ROBO1: variants seen among roughly 807,000 people sequenced by gnomAD.
ROBO1 encodes roundabout homolog 1.
ROBO1 carries 149 observed loss-of-function variants against 195.9 expected under a neutral mutation model. The ratio of observed to expected loss-of-function variants is 0.76; its 90% CI spans 0.67 to 0.87. The LOEUF (loss-of-function observed/expected upper bound fraction) is 0.87. Ranked by LOEUF, ROBO1 falls within the 40% of genes least tolerant of loss-of-function variation. The pLI, the probability that ROBO1 is intolerant of heterozygous loss-of-function variation, is 0.00. For missense variants in ROBO1, 1,933 were observed against 2,068.3 expected (o/e 0.93, Z 1.27); for synonymous variants, 816 against 733.2 (o/e 1.11, Z -1.82).
chr3:79,097,857 T>C (rs1044865132), intron 3 of ROBO1, among the ~76,000 whole-genome samples: 4 of 151,592 alleles, frequency 2.6e-5, no homozygotes, highest in Non-Finnish European at 4.4e-5. Flanking sequence ...TACATGCAGT[T>C]TTTTTTTAAT....
At chr3:79,017,088 A>C (rs1253706410) in intron 3 of ROBO1, among the ~76,000 whole-genome samples, 1 of 152,196 alleles carries the variant, frequency 6.6e-6, no homozygotes, top group African/African-American at 2.4e-5. Flanking sequence ...ACCAGGTTGA[A>C]ACTTCACTTT....
At chr3:79,430,439 T>C (rs1198538556) in intron 2 of ROBO1, among the ~76,000 whole-genome samples, 3 of 152,120 alleles carry the variant, frequency 2.0e-5, no homozygotes, top group African/African-American at 4.8e-5. Flanking sequence ...TAAACTTAAA[T>C]TGATTTCATT....
chr3:79,173,626 C>T, intron 2 of ROBO1, among the ~76,000 whole-genome samples: 1 of 152,242 alleles, frequency 6.6e-6, no homozygotes. Flanking sequence ...GGCTCCGGCT[C>T]AGCCCGAGCC....
At chr3:78,913,159 G>C (rs1290636847) in intron 4 of ROBO1, among the ~76,000 whole-genome samples, 1 of 152,024 alleles carries the variant, frequency 6.6e-6, no homozygotes, top group Non-Finnish European at 1.5e-5. Context: ...TTCTACGATG[G>C]AATAAATGGA....
intron 1 of ROBO1, among the ~76,000 whole-genome samples, chr3:79,633,673 G>A (rs1322664285): frequency 6.6e-6 from 1 of 151,748 alleles, no homozygotes; most frequent in Non-Finnish European, 1.5e-5. Flanking sequence ...ATCAAGGCTT[G>A]ATTCCTTGTT....
rs1324393653 is a variant in ROBO1 at position 78,713,043 on chromosome 3, T to G, written c.1045+1354A>C. Among the ~76,000 whole-genome samples, 3 of 152,206 alleles carry G rather than the reference T, an allele frequency of 2.0e-5. No individual in the cohort carries two copies. In the East Asian group the frequency reaches 5.8e-4, roughly 29 times the overall value. ...TCTGGAGGGCTTTTGAACTTGGATT[T>G]GACACCTCTTATATTTATGCTTTCT... On this transcript the variant is annotated intron_variant, in intron 8 of 30. Transcript: ENST00000464233.
At chr3:78,900,020 T>G (rs1013829806) in intron 4 of ROBO1, among the ~76,000 whole-genome samples, 3 of 152,164 alleles carry the variant, frequency 2.0e-5, no homozygotes, top group African/African-American at 7.2e-5. Flanking sequence ...CAGAAAAGCC[T>G]TTGGGGCTGT....
chr3:79,283,351 A>C (rs1220459880), intron 2 of ROBO1, among the ~76,000 whole-genome samples: 1 of 152,200 alleles, frequency 6.6e-6, no homozygotes, highest in East Asian at 1.9e-4. Flanking sequence ...AAATCTGTAC[A>C]TGTACCTCCT....
intron 2 of ROBO1, among the ~76,000 whole-genome samples, chr3:79,251,617 G>T (rs190909891): frequency 6.6e-6 from 1 of 152,244 alleles, no homozygotes; most frequent in Non-Finnish European, 1.5e-5. Flanking sequence ...TGGGCATGGT[G>T]GCGGACGCCT....
intron 2 of ROBO1, among the ~76,000 whole-genome samples, chr3:79,481,935 C>T (rs887478421): frequency 1.3e-5 from 2 of 152,102 alleles, no homozygotes; most frequent in Non-Finnish European, 2.9e-5. Context: ...GATTATGACT[C>T]TTAAGTGAAT....
intron 2 of ROBO1, among the ~76,000 whole-genome samples, chr3:79,168,414 G>A (rs1576764068): frequency 6.6e-6 from 1 of 151,890 alleles, no homozygotes; most frequent in Non-Finnish European, 1.5e-5. Context: ...AGCTAAAGTT[G>A]GCAGAAACTC....
chr3:79,642,898 A>T (rs887532796), intron 1 of ROBO1, among the ~76,000 whole-genome samples: 1 of 152,164 alleles, frequency 6.6e-6, no homozygotes, highest in African/African-American at 2.4e-5. Flanking sequence ...TATACAATAC[A>T]CTCATAACTC....
intron 2 of ROBO1, among the ~76,000 whole-genome samples, chr3:79,330,110 C>T (rs899715320): frequency 6.6e-6 from 1 of 151,588 alleles, no homozygotes; most frequent in Non-Finnish European, 1.5e-5. Flanking sequence ...AATGGAAATT[C>T]TAAAATTTTC....
rs1340602429 is a variant in ROBO1, at chr3:79,567,305, G to C, written c.88+22519C>G. On this transcript the variant is annotated intron_variant, in intron 2 of 30. Coordinates refer to ENST00000464233, the MANE Select transcript of ROBO1 (RefSeq NM_002941.4). ...ATCGGGCACTAGGCTTAATACCTGG[G>C]TGATGAAACAATCTGCACAACAAAC... 9.2e-5 allele frequency among the ~76,000 whole-genome samples: 14 copies of C among 152,170 alleles called. No homozygotes were observed. The East Asian group carries it at 2.7e-3, about 29-fold the overall frequency.
intron 2 of ROBO1, among the ~76,000 whole-genome samples, chr3:79,199,850 T>A (rs1372482527): frequency 6.6e-6 from 1 of 151,786 alleles, no homozygotes; most frequent in South Asian, 2.1e-4. Flanking sequence ...TTTATGGCGA[T>A]GGTAAAGTGT....
At chr3:78,789,594 G>C (rs547745089) in intron 4 of ROBO1, among the ~76,000 whole-genome samples, 95 of 152,082 alleles carry the variant, frequency 6.2e-4, no homozygotes, top group Non-Finnish European at 1.0e-3. Context: ...TACATGTTAG[G>C]GGGAAATTAT....
intron 2 of ROBO1, among the ~76,000 whole-genome samples, chr3:79,556,429 T>C (rs1942701307): frequency 1.3e-5 from 2 of 152,082 alleles, no homozygotes; most frequent in Admixed American, 1.3e-4. Flanking sequence ...GGTTTGCTAG[T>C]TATTGGTAAT....
intron 2 of ROBO1, among the ~76,000 whole-genome samples, chr3:79,223,670 C>A (rs887948906): frequency 5.9e-5 from 9 of 152,170 alleles, no homozygotes; most frequent in Admixed American, 2.6e-4. Flanking sequence ...GGTCATTACA[C>A]AACATGTTTA....
chr3:78,918,950 C>T (rs1174308870), intron 4 of ROBO1, among the ~76,000 whole-genome samples: 1 of 152,156 alleles, frequency 6.6e-6, no homozygotes, highest in Non-Finnish European at 1.5e-5. Context: ...GTGATTCTTT[C>T]TTGTGGTTCT....
Sources: gnomAD v4.1 joint callset for allele counts (sites outside exome capture counted in the v4.1 genomes callset) on GRCh38, gnomAD v4.1.1 for gene constraint, MANE v1.5 for transcripts, NCBI Gene and HGNC (gene_info 2026-07-23, HGNC 2026-07-21) for gene names.